Variants in PDE1B observed in about 807,000 individuals in gnomAD.
The protein encoded by PDE1B is dual specificity calcium/calmodulin-dependent 3',5'-cyclic nucleotide phosphodiesterase 1B.
PDE1B carries 13 observed loss-of-function variants against 66.7 expected under a neutral mutation model. The ratio of observed to expected loss-of-function variants is 0.19; its 90% confidence interval spans 0.13 to 0.31. PDE1B has a LOEUF of 0.31. PDE1B is among the 10% of genes least tolerant of loss of function. The probability of loss-of-function intolerance (pLI) is 1.00; values close to 1 mark genes in which losing one functional copy is unlikely to be tolerated. For synonymous variants in PDE1B, 230 were observed against 253.9 expected, an observed-to-expected ratio of 0.91 and a Z score of 0.90; for missense variants, 485 against 682.3, an observed-to-expected ratio of 0.71 and a Z score of 3.22.
chr12:54,570,173 C>T, intron 5 of PDE1B, 68 bp from the exon 6 acceptor site: 3 of 900,382 alleles, frequency 3.3e-6, no homozygotes, highest in Non-Finnish European at 3.8e-6. Context: ...CATGGGAAGT[C>T]CTTCTTGAAG....
intron 2 of PDE1B, among the ~76,000 whole-genome samples, chr12:54,563,499 C>T (rs1051407628): frequency 2.0e-5 from 3 of 152,162 alleles, no homozygotes; most frequent in African/African-American, 4.8e-5. Context: ...ATCTTTCTCC[C>T]ATTTCCTCTG....
At position 54,575,557 on chromosome 12, in the gene PDE1B, A is replaced by G; in HGVS notation, c.1192A>G (p.Lys398Glu). 6.2e-7 allele frequency: 1 copy of G among 1,609,236 alleles called. No individual in the cohort carries two copies. The highest frequency in any genetic ancestry group is 8.5e-7 in the Non-Finnish European group (1 of 1,176,024). ...ACCCTGTTCCCTCCTCTAGGGTGAC[A>G]AGGAGGCAGAGTTGGGCCTGCCCTT... ...LMEEFFRQGD[K>E]EAELGLPFSP... Residue 398 changes from lysine to glutamate, a missense_variant, in exon 12 of 16, where the codon AAG (lysine) becomes GAG (glutamate). Around this residue, in one of 4 missense-constraint regions of PDE1B, gnomAD observed 282 missense variants for 453.4 expected, o/e 0.62. Transcript: ENST00000243052. The surrounding 1 kb of genome is among the most constrained non-coding windows in gnomAD (Gnocchi z 4.0).
At position 54,575,921 on chromosome 12, in the gene PDE1B, C is replaced by T; in HGVS notation, c.1268-71C>T. The T allele has an allele frequency of 8.6e-7, 1 of 1,157,942 alleles. No individual in the cohort carries two copies. The highest frequency in any genetic ancestry group is 1.2e-5 in the South Asian group (1 of 82,010). 71.7% of individuals were successfully genotyped at this position (1,157,942 alleles called of 1,614,324 possible). A position where few individuals can be genotyped will look rare whatever the true frequency, so the allele number is the denominator to read the frequency against. On this transcript the variant is annotated intron_variant, in intron 12 of 15. Transcript: ENST00000243052. This position sits in a 1 kb window ranked among gnomAD's most constrained non-coding sequence, Gnocchi z 4.0. The stretch of plus-strand genomic sequence containing the variant: ...TAAGCAGCCAGGGGTCCTGGCCATG[C>T]CAGCTGCATGCTCTGCCTAGCCCTC...
In PDE1B at chr12:54,563,194, T is replaced by G. The variant is rs1716335; in HGVS notation, c.114-3780T>G. ...CAGCGTCATCAAGACACTCACAGTC[T>G]CCTATGGGCCAACCGACAGAATTAA... On this transcript the variant is annotated intron_variant, in intron 2 of 15. Transcript: ENST00000243052. 6.8e-3 allele frequency among the ~76,000 whole-genome samples: 1,039 copies of G among 152,328 alleles called. 15 individuals carry two copies. Among genetic ancestry groups the G allele is most frequent in the African/African-American group, 0.024 (989 of 41,572 alleles).
At position 54,573,770 on chromosome 12, in the gene PDE1B, G is replaced by C. The variant is rs1441456902; in HGVS notation, c.1064+61G>C. ...GAGGGAGGGGTGTGTGAACTGGGGG[G>C]GTATACACAAGGGTAGTTGGTGTGC... is the stretch of plus-strand genomic sequence containing the variant. On this transcript the variant is annotated intron_variant, in intron 10 of 15. Coordinates refer to ENST00000243052, the MANE Select transcript of PDE1B (RefSeq NM_000924.4). The surrounding 1 kb of genome is among the most constrained non-coding windows in gnomAD (Gnocchi z 5.2). 2 of 1,229,084 alleles carry C rather than the reference G, an allele frequency of 1.6e-6. No homozygotes were observed. Among genetic ancestry groups the C allele is most frequent in the Non-Finnish European group, 2.4e-6 (2 of 833,052 alleles). The allele number at this position is 1,229,084 out of a possible 1,614,324, so 76.1% of individuals were successfully genotyped here.
chr12:54,557,262 C>T (rs933379827), intron 2 of PDE1B, among the ~76,000 whole-genome samples: 11 of 152,120 alleles, frequency 7.2e-5, no homozygotes, highest in Non-Finnish European at 1.6e-4. Flanking sequence ...CTTTGAAATG[C>T]CAAGAAAATT....
At chr12:54,560,922 G>A (rs937248983) in intron 2 of PDE1B, among the ~76,000 whole-genome samples, 3 of 152,094 alleles carry the variant, frequency 2.0e-5, no homozygotes, top group African/African-American at 4.8e-5. Flanking sequence ...CGGGTGGAGG[G>A]CCCTTCCCTC....
At chr12:54,554,924 A>G (rs118040868) in intron 2 of PDE1B, among the ~76,000 whole-genome samples, 2,307 of 152,320 alleles carry the variant, frequency 0.015, 30 homozygotes, top group Non-Finnish European at 0.025. Context: ...TGGATGGGCA[A>G]CTATTGGCTG....
intron 2 of PDE1B, among the ~76,000 whole-genome samples, chr12:54,559,704 C>T (rs188772262): frequency 2.6e-5 from 4 of 152,276 alleles, no homozygotes; most frequent in Admixed American, 2.6e-4. Flanking sequence ...ACAAGATATC[C>T]TCTTCGAGGC....
In PDE1B at chr12:54,576,072, G is replaced by A; in HGVS notation, c.1348G>A (p.Glu450Lys). The change falls in exon 13 of 16, where the codon GAG becomes AAG. Residue 450 changes from glutamate (E) to lysine (K), a missense_variant. By Grantham distance (56) the Glu-to-Lys change is moderately conservative. Transcript: ENST00000243052. ...GAAGAGTGTTCAGCCCCTGGCGGAT[G>A]AGGACTCCAAGTCTAAAAACCAGCC... ...AEKSVQPLAD[E>K]DSKSKNQPSF... The A allele has an allele frequency of 1.9e-6, 3 of 1,613,102 alleles. No individual in the cohort carries two copies. Among genetic ancestry groups the A allele is most frequent in the Non-Finnish European group, 2.5e-6 (3 of 1,179,024 alleles).
At chr12:54,558,211 T>C (rs1461737560) in intron 2 of PDE1B, among the ~76,000 whole-genome samples, 1 of 151,970 alleles carries the variant, frequency 6.6e-6, no homozygotes. Context: ...ACCTTTCAAA[T>C]CTCCTTTCCT....
chr12:54,554,320 T>A (rs944066551), intron 2 of PDE1B: 2 of 152,242 alleles, frequency 1.3e-5, no homozygotes, highest in Non-Finnish European at 1.5e-5. Flanking sequence ...GATTGCAGCA[T>A]AAACTATGGT....
At position 54,575,195 on chromosome 12, in the gene PDE1B, C is replaced by T; in HGVS notation, c.1162C>T (p.Leu388Phe). 6.2e-7 allele frequency: 1 copy of T among 1,613,564 alleles called. No homozygotes were observed. Among genetic ancestry groups the T allele is most frequent in the Non-Finnish European group, 8.5e-7 (1 of 1,179,578 alleles). ...WLVHSRWTKA[L>F]MEEFFRQGDK... ...GGTCCACAGCCGTTGGACCAAGGCCCTCATGGAGGAATTCTTCCGTCAGGT... is the reference window on the plus strand; with the variant it reads ...GGTCCACAGCCGTTGGACCAAGGCCTTCATGGAGGAATTCTTCCGTCAGGT... The change falls in exon 11 of 16, where the codon CTC becomes TTC. Residue 388 changes from leucine (L) to phenylalanine (F), a missense_variant. By Grantham distance (22) the Leu-to-Phe change is conservative (BLOSUM62 0). Transcript: ENST00000243052. The surrounding 1 kb of genome is among the most constrained non-coding windows in gnomAD (Gnocchi z 4.0).
chr12:54,575,852 A>T lies in PDE1B; in HGVS notation c.1268-140A>T, dbSNP rs1957731375. 3 of 766,402 alleles carry T rather than the reference A, an allele frequency of 3.9e-6. No homozygotes were observed. The highest frequency in any genetic ancestry group is 3.4e-5 in the African/African-American group (2 of 58,870). The allele number at this position is 766,402 out of a possible 1,614,324, so 47.5% of individuals were successfully genotyped here. ...GACATCATCCCAAAGCCTGCCCTGC[A>T]TTGGGAAGTTTTCAGCCCCAGGTTA... On this transcript the variant is annotated intron_variant, in intron 12 of 15. Coordinates refer to ENST00000243052, the MANE Select transcript of PDE1B (RefSeq NM_000924.4). The surrounding 1 kb of genome is among the most constrained non-coding windows in gnomAD (Gnocchi z 4.0).
At chr12:54,551,135 T>C (rs1398188334) in intron 2 of PDE1B, among the ~76,000 whole-genome samples, 1 of 152,210 alleles carries the variant, frequency 6.6e-6, no homozygotes, top group African/African-American at 2.4e-5. Context: ...AGCTTTCTAT[T>C]TCTGGGTTCT....
intron 15 of PDE1B, 30 bp from the exon 16 acceptor site, chr12:54,577,830 G>A: frequency 2.9e-6 from 1 of 339,510 alleles, no homozygotes; most frequent in African/African-American, 2.1e-5. Context: ...GCAAAGCTCA[G>A]GGCACTGAAG....
At chr12:54,555,180 A>G (rs1192408944) in intron 2 of PDE1B, among the ~76,000 whole-genome samples, 1 of 152,200 alleles carries the variant, frequency 6.6e-6, no homozygotes, top group Non-Finnish European at 1.5e-5. Flanking sequence ...CTGGAAGTGG[A>G]TGGAGCAATT....
At chr12:54,561,734 A>C in intron 2 of PDE1B, 1 of 814,674 alleles carries the variant, frequency 1.2e-6, no homozygotes, top group Non-Finnish European at 2.0e-6. Flanking sequence ...AGAGATCAAG[A>C]CCTGGCAGTC....
chr12:54,561,962 T>C (rs1297193133), intron 2 of PDE1B, among the ~76,000 whole-genome samples: 1 of 152,142 alleles, frequency 6.6e-6, no homozygotes, highest in African/African-American at 2.4e-5. Context: ...TCACATTCCT[T>C]CGAAATTTCA....
Sources: allele counts gnomAD v4.1 joint callset (sites outside exome capture counted in the v4.1 genomes callset), GRCh38; gene constraint gnomAD v4.1.1; regional missense constraint gnomAD v4.1.1; non-coding constraint Gnocchi (gnomAD v3.1); transcripts MANE v1.5; gene names NCBI Gene and HGNC (gene_info 2026-07-23, HGNC 2026-07-21).